Variants in COLGALT2 observed in about 807,000 individuals in gnomAD.
The protein encoded by COLGALT2 is collagen beta(1-O)galactosyltransferase 2.
A neutral mutation model predicts 73.4 loss-of-function variants in COLGALT2; 49 were observed. The observed-to-expected ratio is 0.67, with a 90% CI of 0.53 to 0.85. The LOEUF (loss-of-function observed/expected upper bound fraction) is 0.85, where lower values mean the gene tolerates loss of function less well. Ranked by LOEUF, COLGALT2 falls within the 40% of genes least tolerant of loss-of-function variation. The pLI, the probability that COLGALT2 is intolerant of heterozygous loss-of-function variation, is 0.00. For missense variants in COLGALT2, 722 were observed against 790.2 expected (o/e 0.91, Z 1.03); for synonymous variants, 295 against 307.6 (o/e 0.96, Z 0.43).
At chr1:183,941,905 A>G (rs1670123164) in intron 10 of COLGALT2, among the ~76,000 whole-genome samples, 1 of 147,722 alleles carries the variant, frequency 6.8e-6, no homozygotes, top group African/African-American at 2.4e-5. Flanking sequence ...TGAAATATAT[A>G]TATTTTTTCC....
intron 1 of COLGALT2, among the ~76,000 whole-genome samples, chr1:183,989,419 A>G (rs1654215355): frequency 6.6e-6 from 1 of 152,194 alleles, no homozygotes; most frequent in East Asian, 1.9e-4. Context: ...GACCACAGGG[A>G]AAGTCACAGC....
intron 1 of COLGALT2, among the ~76,000 whole-genome samples, chr1:184,022,599 T>G (rs1172579631): frequency 6.6e-6 from 1 of 152,124 alleles, no homozygotes; most frequent in Non-Finnish European, 1.5e-5. Context: ...ATCAAAATAA[T>G]AAGGGAAACT....
chr1:183,972,398 G>A (rs1671064979), intron 4 of COLGALT2, among the ~76,000 whole-genome samples: 1 of 152,258 alleles, frequency 6.6e-6, no homozygotes, highest in South Asian at 2.1e-4. Flanking sequence ...ATGAGACACT[G>A]CTCCTGGCCA....
intron 1 of COLGALT2, among the ~76,000 whole-genome samples, chr1:183,998,159 C>T (rs2102836094): frequency 6.6e-6 from 1 of 152,316 alleles, no homozygotes; most frequent in South Asian, 2.1e-4. Context: ...ATATTCCCAG[C>T]AATGCTTAGA....
Position 183,937,306 on chromosome 1 carries a change from A to G in COLGALT2, c.*1455T>C. The G allele has an allele frequency of 9.2e-7, 1 of 1,086,478 alleles. No homozygotes were observed. The highest frequency in any genetic ancestry group is 1.1e-6 in the Non-Finnish European group (1 of 896,088). The allele number at this position is 1,086,478 out of a possible 1,614,324, so 67.3% of individuals were successfully genotyped here. ...AGGGTTTTTCTGGAGACAAAAATTT[A>G]CAGATTGAGGGCATGAGAACATAAA... On this transcript the variant is annotated 3_prime_UTR_variant, in exon 12 of 12. Transcript: ENST00000361927.
intron 1 of COLGALT2, among the ~76,000 whole-genome samples, chr1:184,016,026 G>A (rs1648990938): frequency 6.6e-6 from 1 of 152,150 alleles, no homozygotes; most frequent in Admixed American, 6.5e-5. Flanking sequence ...AAACTGTCAT[G>A]GGTGGCTTTA....
chr1:183,934,243 G>A (rs1032905454), downstream of COLGALT2, among the ~76,000 whole-genome samples: 3 of 152,096 alleles, frequency 2.0e-5, no homozygotes, highest in African/African-American at 7.2e-5. Flanking sequence ...CATTTTTCAC[G>A]TAATCTTTTG....
intron 1 of COLGALT2, among the ~76,000 whole-genome samples, chr1:184,004,741 A>G (rs951689889): frequency 6.6e-6 from 1 of 152,176 alleles, no homozygotes; most frequent in African/African-American, 2.4e-5. Flanking sequence ...GCTGTACTGC[A>G]AAACAGTCTC....
chr1:183,938,535 A>C lies in COLGALT2; in HGVS notation c.*226T>G. ...ATTACAGTTTATCTTAACAGTTTCCAAAAAACCTGTCTTTCAGCCGTCTTG... is the reference window on the plus strand; with the variant it reads ...ATTACAGTTTATCTTAACAGTTTCCCAAAAACCTGTCTTTCAGCCGTCTTG... On this transcript the variant is annotated 3_prime_UTR_variant, in exon 12 of 12. Coordinates refer to ENST00000361927, the MANE Select transcript of COLGALT2 (RefSeq NM_015101.4). 1 of 1,403,604 alleles carries C rather than the reference A, an allele frequency of 7.1e-7. No homozygotes were observed. The allele number at this position is 1,403,604 out of a possible 1,614,324, so 86.9% of individuals were successfully genotyped here.
intron 8 of COLGALT2, among the ~76,000 whole-genome samples, chr1:183,947,980 T>C (rs913162870): frequency 6.6e-6 from 1 of 152,012 alleles, no homozygotes; most frequent in Non-Finnish European, 1.5e-5. Flanking sequence ...GGCAACAAAT[T>C]AGATAACCTA....
intron 6 of COLGALT2, among the ~76,000 whole-genome samples, chr1:183,961,546 G>A (rs1342087535): frequency 6.6e-6 from 1 of 152,120 alleles, no homozygotes; most frequent in Non-Finnish European, 1.5e-5. Context: ...ATTTTATGGA[G>A]TTGATATAGT....
downstream of COLGALT2, among the ~76,000 whole-genome samples, chr1:183,935,069 T>G (rs562568341): frequency 2.4e-4 from 37 of 152,284 alleles, no homozygotes; most frequent in African/African-American, 8.7e-4. Context: ...CTTTGGCCCT[T>G]TCATAGTCCT....
At chr1:183,980,015 A>G (rs942076356) in intron 1 of COLGALT2, among the ~76,000 whole-genome samples, 1 of 152,090 alleles carries the variant, frequency 6.6e-6, no homozygotes, top group Non-Finnish European at 1.5e-5. Flanking sequence ...TTTTTAAAAA[A>G]TAACAATTAC....
intron 1 of COLGALT2, among the ~76,000 whole-genome samples, chr1:184,022,825 A>C (rs889603531): frequency 6.6e-6 from 1 of 152,238 alleles, no homozygotes; most frequent in African/African-American, 2.4e-5. Context: ...GTGAAAACTC[A>C]TTAGGGCATT....
intron 1 of COLGALT2, among the ~76,000 whole-genome samples, chr1:184,011,797 G>T (rs1648808069): frequency 6.6e-6 from 1 of 152,142 alleles, no homozygotes; most frequent in Non-Finnish European, 1.5e-5. Context: ...TGTCAATCTG[G>T]GCAGTTGGTT....
intron 3 of COLGALT2, among the ~76,000 whole-genome samples, chr1:183,974,211 G>A (rs114327598): frequency 0.014 from 2,113 of 152,256 alleles, 43 homozygotes; most frequent in African/African-American, 0.049. Flanking sequence ...TAGAATTTTT[G>A]TTTAAGTACA....
At chr1:183,935,804 G>C (rs1002263029), downstream of COLGALT2, 5 of 970,254 alleles carry the variant, frequency 5.2e-6, no homozygotes, top group Admixed American at 2.5e-4. Context: ...CCATTGATCA[G>C]TGCCTGCGGA....
intron 1 of COLGALT2, 120 bp downstream of exon 1, chr1:184,036,975 C>G: frequency 1.1e-6 from 1 of 870,880 alleles, no homozygotes; most frequent in East Asian, 3.9e-5. Context: ...AGATTTTCCG[C>G]GTGCCCCCCC....
chr1:183,952,414 A>G (rs1421559583), intron 7 of COLGALT2, among the ~76,000 whole-genome samples: 2 of 152,180 alleles, frequency 1.3e-5, no homozygotes, highest in East Asian at 3.8e-4. Context: ...TCATCTTTCA[A>G]ATTCAGTACA....
Sources: gnomAD v4.1 joint callset for allele counts (sites outside exome capture counted in the v4.1 genomes callset) on GRCh38, gnomAD v4.1.1 for gene constraint, MANE v1.5 for transcripts, NCBI Gene and HGNC (gene_info 2026-07-23, HGNC 2026-07-21) for gene names.